SLC10A4: variants seen among roughly 807,000 people sequenced by gnomAD.
SLC10A4 encodes the protein solute carrier family 10 member 4, also known as putative sodium/bile acid cotransporter 4.
SLC10A4 carries 17 observed loss-of-function variants against 22.5 expected under a neutral mutation model. The ratio of observed to expected loss-of-function variants is 0.76; its 90% CI spans 0.52 to 1.14. The LOEUF is 1.14. Ranked by LOEUF, SLC10A4 falls within the 50% of genes most tolerant of loss-of-function variation. The pLI, the probability that SLC10A4 is intolerant of heterozygous loss-of-function variation, is 0.00. For synonymous variants in SLC10A4, 257 were observed against 258.2 expected (o/e 1.00, Z 0.04); for missense variants, 548 against 584.0 (o/e 0.94, Z 0.64).
At chr4:48,485,199 A>G (rs759564411) in intron 2 of SLC10A4, 57 bp downstream of exon 2, 22 of 1,543,414 alleles carry the variant, frequency 1.4e-5, no homozygotes, top group Non-Finnish European at 2.0e-5. Flanking sequence ...TCTCTGACCC[A>G]CAGCAGAAAT....
chr4:48,487,414 G>T (rs934863229), intron 2 of SLC10A4, among the ~76,000 whole-genome samples: 1 of 152,166 alleles, frequency 6.6e-6, no homozygotes, highest in African/African-American at 2.4e-5. Flanking sequence ...GGGTTAAAAA[G>T]ATCACACACT....
At chr4:48,484,574 G>T (rs1296411302) in intron 1 of SLC10A4, among the ~76,000 whole-genome samples, 1 of 152,226 alleles carries the variant, frequency 6.6e-6, no homozygotes, top group Admixed American at 6.5e-5. Context: ...GTGCAGGATT[G>T]TTGAGTCCGA....
At position 48,483,717 on chromosome 4, in the gene SLC10A4, G is replaced by A. The variant is rs1370283504; in HGVS notation, c.156G>A (p.Pro52=). 2.8e-6 allele frequency: 4 copies of A among 1,433,058 alleles called. No individual in the cohort carries two copies. The highest frequency in any genetic ancestry group is 3.1e-5 in the Admixed American group (1 of 32,784). 88.8% of individuals were successfully genotyped at this position (1,433,058 alleles called of 1,614,324 possible). ...CCGGCCCTGGGCTCAGCCTCGGGCCGGGTCCGAGCTTCGGCTTCAGCCCCG... is the reference window on the plus strand; with the variant it reads ...CCGGCCCTGGGCTCAGCCTCGGGCCAGGTCCGAGCTTCGGCTTCAGCCCCG... ...AGPGPGLSLG[P]GPSFGFSPGP... Residue 52 remains proline, a synonymous_variant, in exon 1 of 3, where the codon CCG becomes CCA. Coordinates refer to ENST00000273861, the MANE Select transcript of SLC10A4 (RefSeq NM_152679.4). The surrounding 1 kb of genome is among the most constrained non-coding windows in gnomAD (Gnocchi z 5.4).
Position 48,485,111 on chromosome 4 carries a change from A to C in SLC10A4, c.770A>C (p.Lys257Thr), listed in dbSNP as rs540600785. ...GGGTTGGGCGTCTTCATTCGCTACA[A>C]ATACAGCCGGGTGGCTGACTACATT... Reference protein sequence around the residue: ...PIGLGVFIRYKYSRVADYIVK... With the variant: ...PIGLGVFIRYTYSRVADYIVK... The change falls in exon 2 of 3, where the codon AAA becomes ACA. Residue 257 changes from lysine to threonine, a missense_variant. Lys to Thr is a moderately conservative substitution (Grantham distance 78, BLOSUM62 -1). Coordinates refer to ENST00000273861, the MANE Select transcript of SLC10A4 (RefSeq NM_152679.4). 112 of 1,614,006 alleles carry C rather than the reference A, an allele frequency of 6.9e-5. No homozygotes were observed. The South Asian group carries it at 8.6e-4, about 12-fold the overall frequency.
chr4:48,484,881 G>C, intron 1 of SLC10A4, 51 bp from the exon 2 acceptor site: 2 of 1,546,242 alleles, frequency 1.3e-6, no homozygotes, highest in Non-Finnish European at 1.8e-6. Context: ...AGGTTAGCTG[G>C]CTGTTTGACT....
At chr4:48,487,608 C>T (rs1218259822) in intron 2 of SLC10A4, among the ~76,000 whole-genome samples, 3 of 152,054 alleles carry the variant, frequency 2.0e-5, no homozygotes, top group Admixed American at 2.0e-4. Flanking sequence ...GAGGCACATT[C>T]ACATATGAAA....
chr4:48,488,486 G>A lies in SLC10A4; in HGVS notation c.861G>A (p.Met287Ile). 6.2e-7 allele frequency: 1 copy of A among 1,613,756 alleles called. No individual in the cohort carries two copies. Among genetic ancestry groups the A allele is most frequent in the Non-Finnish European group, 8.5e-7 (1 of 1,179,950 alleles). Residue 287 changes from methionine (M) to isoleucine (I), a missense_variant, in exon 3 of 3, where the codon ATG becomes ATA. By Grantham distance (10) the Met-to-Ile change is conservative (BLOSUM62 1). Coordinates refer to ENST00000273861, the MANE Select transcript of SLC10A4 (RefSeq NM_152679.4). ...TCCTTTTCATAATGACCGGCACTAT[G>A]TTAGGACCTGAACTGCTGGCAAGTA... The part of the protein sequence containing the change: ...LVVLFIMTGT[M>I]LGPELLASIP...
At chr4:48,488,029 C>G (rs932714895) in intron 2 of SLC10A4, among the ~76,000 whole-genome samples, 3 of 151,530 alleles carry the variant, frequency 2.0e-5, no homozygotes, top group African/African-American at 7.3e-5. Flanking sequence ...GTCTTCAACT[C>G]CTGACCTCAT....
Position 48,488,401 on chromosome 4 carries a change from A to T in SLC10A4, c.802-26A>T, listed in dbSNP as rs148624971. The T allele has an allele frequency of 4.7e-3, 7,257 of 1,553,464 alleles. 260 individuals are homozygous for T. The Admixed American group carries it at 0.072, about 15-fold the overall frequency. ...CTCTCGCCTGAGTTCATCTTCAACC[A>T]TCTCATTGTAATTTTCTATTACTAG... On this transcript the variant is annotated intron_variant, in intron 2 of 2. Transcript: ENST00000273861.
In SLC10A4 at chr4:48,488,784, A is replaced by T; in HGVS notation, c.1159A>T (p.Ser387Cys). The T allele has an allele frequency of 6.2e-7, 1 of 1,614,080 alleles. No individual in the cohort carries two copies. Among genetic ancestry groups the T allele is most frequent in the South Asian group, 1.1e-5 (1 of 91,086 alleles). ...IFVLIYKMYGSEMLHKRDPLD... is the reference protein window; with the variant it reads ...IFVLIYKMYGCEMLHKRDPLD... ...TGTTTTAATCTATAAAATGTATGGA[A>T]GTGAAATGTTGCACAAGCGAGATCC... is the stretch of plus-strand genomic sequence containing the variant. The change falls in exon 3 of 3, where the codon AGT becomes TGT. Residue 387 changes from serine to cysteine, a missense_variant. By Grantham distance (112) the Ser-to-Cys change is moderately radical. Transcript: ENST00000273861.
Position 48,483,520 on chromosome 4 carries a change from A to G in SLC10A4, c.-42A>G, listed in dbSNP as rs966076593. 52 of 1,447,338 alleles carry G rather than the reference A, an allele frequency of 3.6e-5. No homozygotes were observed. Among genetic ancestry groups the G allele is most frequent in the Non-Finnish European group, 4.1e-5 (45 of 1,097,174 alleles). 89.7% of individuals were successfully genotyped at this position (1,447,338 alleles called of 1,614,324 possible). A position where few individuals can be genotyped will look rare whatever the true frequency, so the allele number is the denominator to read the frequency against. ...CGGCGACCGCGGGACGGCGAGAGGC[A>G]CGCGGCGGGAGGGGACCGGAATCCG... On this transcript the variant is annotated 5_prime_UTR_variant, in exon 1 of 3. Coordinates refer to ENST00000273861, the MANE Select transcript of SLC10A4 (RefSeq NM_152679.4). The surrounding 1 kb of genome is among the most constrained non-coding windows in gnomAD (Gnocchi z 5.4).
Position 48,483,691 on chromosome 4 carries a change from C to T in SLC10A4, c.130C>T (p.Pro44Ser). Residue 44 changes from proline (P) to serine (S), a missense_variant, in exon 1 of 3, where the codon CCC becomes TCC. This residue lies in a region of SLC10A4 where 225 missense variants were observed against 206.9 expected (regional missense o/e 1.09). Transcript: ENST00000273861. The surrounding 1 kb of genome is among the most constrained non-coding windows in gnomAD (Gnocchi z 5.4). The stretch of plus-strand genomic sequence containing the variant: ...CCTCGCCCCTGCCTCCAGCGCCGGC[C>T]CCGGCCCTGGGCTCAGCCTCGGGCC... ...LALAPASSAG[P>S]GPGLSLGPGP... 6.8e-7 allele frequency: 1 copy of T among 1,467,558 alleles called. No homozygotes were observed. The highest frequency in any genetic ancestry group is 1.3e-5 in the South Asian group (1 of 76,964). 90.9% of individuals were successfully genotyped at this position (1,467,558 alleles called of 1,614,324 possible).
rs35831946 is a variant in SLC10A4 at position 48,487,788 on chromosome 4, C to CTTTTTTTTTTTTTTTTTTT, written c.802-626_802-608dup. Among the ~76,000 whole-genome samples the CTTTTTTTTTTTTTTTTTTT allele has an allele frequency of 5.0e-5, 2 of 39,788 alleles. 1 individual carries two copies. The highest frequency in any genetic ancestry group is 2.7e-4 in the African/African-American group (2 of 7,404). 26.1% of individuals were successfully genotyped at this position (39,788 alleles called of 152,430 possible). A position where few individuals can be genotyped will look rare whatever the true frequency, so the allele number is the denominator to read the frequency against. On this transcript the variant is annotated intron_variant, in intron 2 of 2. Coordinates refer to ENST00000273861, the MANE Select transcript of SLC10A4 (RefSeq NM_152679.4). ...TTGAAGGCTATTTTTTTTTGAAGAGCTTTTTTTTTTTTTTTTTTTTTTTTT... is the reference window on the plus strand; with the variant it reads ...TTGAAGGCTATTTTTTTTTGAAGAGCTTTTTTTTTTTTTTTTTTTTTTTTTTTTTTTTTTTTTTTTTTTT...
chr4:48,483,824 C>A lies in SLC10A4; in HGVS notation c.263C>A (p.Pro88His). 6.5e-7 allele frequency: 1 copy of A among 1,532,844 alleles called. No individual in the cohort carries two copies. The highest frequency in any genetic ancestry group is 8.7e-7 in the Non-Finnish European group (1 of 1,143,516). The allele number at this position is 1,532,844 out of a possible 1,614,324, so 95.0% of individuals were successfully genotyped here. ...CACGGCCCTTCCCCGTTCCCTCGGC[C>A]CTGGGCGCCCCACGCGCTCCCGTTC... is the stretch of plus-strand genomic sequence containing the variant. ...ASHGPSPFPR[P>H]WAPHALPFWD... is the part of the protein sequence containing the mutation. The change falls in exon 1 of 3, where the codon CCC becomes CAC. Residue 88 changes from proline (P) to histidine (H), a missense_variant. Physicochemically the swap from Pro to His is moderately conservative, Grantham distance 77 (BLOSUM62 -2). Coordinates refer to ENST00000273861, the MANE Select transcript of SLC10A4 (RefSeq NM_152679.4). The surrounding 1 kb of genome is among the most constrained non-coding windows in gnomAD (Gnocchi z 5.4).
In SLC10A4 at chr4:48,483,700, G is replaced by A. The variant is rs1718222653; in HGVS notation, c.139G>A (p.Gly47Arg). The A allele has an allele frequency of 2.1e-6, 3 of 1,457,054 alleles. No homozygotes were observed. Among genetic ancestry groups the A allele is most frequent in the Admixed American group, 2.7e-5 (1 of 37,684 alleles). The allele number at this position is 1,457,054 out of a possible 1,614,324, so 90.3% of individuals were successfully genotyped here. ...TGCCTCCAGCGCCGGCCCCGGCCCT[G>A]GGCTCAGCCTCGGGCCGGGTCCGAG... ...APASSAGPGP[G>R]LSLGPGPSFG... Residue 47 changes from glycine to arginine, a missense_variant, in exon 1 of 3, where the codon GGG becomes AGG. Gly to Arg is a moderately radical substitution (Grantham distance 125). Transcript: ENST00000273861. This position sits in a 1 kb window ranked among gnomAD's most constrained non-coding sequence, Gnocchi z 5.4.
Position 48,483,767 on chromosome 4 carries a change from C to T in SLC10A4, c.206C>T (p.Thr69Met), listed in dbSNP as rs374329024. ...GGCCCCACTCCGACCCCGGAGCCCA[C>T]GACCAGCGGCCTCGCGGGCGGCGCG... ...SPGPTPTPEPTTSGLAGGAAS... is the reference protein window; with the variant it reads ...SPGPTPTPEPMTSGLAGGAAS... Residue 69 changes from threonine (T) to methionine (M), a missense_variant, in exon 1 of 3, where the codon ACG (threonine) becomes ATG (methionine). Thr to Met is a moderately conservative substitution (Grantham distance 81). Around this residue, in one of 3 missense-constraint regions of SLC10A4, gnomAD observed 225 missense variants for 206.9 expected, o/e 1.09. Coordinates refer to ENST00000273861, the MANE Select transcript of SLC10A4 (RefSeq NM_152679.4). This position sits in a 1 kb window ranked among gnomAD's most constrained non-coding sequence, Gnocchi z 5.4. The T allele has an allele frequency of 9.3e-4, 1,382 of 1,487,444 alleles. 25 individuals are homozygous for T. In the South Asian group the frequency reaches 0.017, roughly 18 times the overall value. The allele number at this position is 1,487,444 out of a possible 1,614,324, so 92.1% of individuals were successfully genotyped here. A position where few individuals can be genotyped will look rare whatever the true frequency, so the allele number is the denominator to read the frequency against.
intron 2 of SLC10A4, among the ~76,000 whole-genome samples, chr4:48,488,113 G>GT (rs1178749716): frequency 2.0e-5 from 3 of 150,696 alleles, no homozygotes; most frequent in African/African-American, 7.3e-5. Flanking sequence ...GAAAAGCTGG[G>GT]TTTTTTTGTT....
rs1235555172 is a variant in SLC10A4, at chr4:48,483,408, G to T, written c.-154G>T. The T allele has an allele frequency of 6.4e-6, 3 of 472,076 alleles. No individual in the cohort carries two copies. The highest frequency in any genetic ancestry group is 4.1e-5 in the East Asian group (1 of 24,642). The allele number at this position is 472,076 out of a possible 1,614,324, so 29.2% of individuals were successfully genotyped here. On this transcript the variant is annotated 5_prime_UTR_variant, in exon 1 of 3. Coordinates refer to ENST00000273861, the MANE Select transcript of SLC10A4 (RefSeq NM_152679.4). This position sits in a 1 kb window ranked among gnomAD's most constrained non-coding sequence, Gnocchi z 5.4. ...GGCTGCAGACCTGGGAGCGGAGACC[G>T]GCCCGCCGCCCCCGACGCCGCCGAG...
In SLC10A4 at chr4:48,485,159, C is replaced by T. The variant is rs1445827524; in HGVS notation, c.801+17C>T. 2.5e-6 allele frequency: 4 copies of T among 1,611,656 alleles called. No individual in the cohort carries two copies. In the South Asian group the frequency reaches 3.3e-5, roughly 13 times the overall value. ...ATTGTGAAGGTAAGGCCCCCTCTTC[C>T]CTTTCCATACTAGCTTGGAGAGCCC... On this transcript the variant is annotated intron_variant, in intron 2 of 2. Coordinates refer to ENST00000273861, the MANE Select transcript of SLC10A4 (RefSeq NM_152679.4).
Sources: allele counts gnomAD v4.1 joint callset (sites outside exome capture counted in the v4.1 genomes callset), GRCh38; gene constraint gnomAD v4.1.1; regional missense constraint gnomAD v4.1.1; non-coding constraint Gnocchi (gnomAD v3.1); transcripts MANE v1.5; gene names NCBI Gene and HGNC (gene_info 2026-07-23, HGNC 2026-07-21).